CDH12: variants seen among roughly 807,000 people sequenced by gnomAD.
CDH12 encodes the protein cadherin 12.
Under a neutral mutation model 74.1 loss-of-function variants are expected in CDH12, and 41 were observed. The observed-to-expected ratio is 0.55, with a 90% CI of 0.43 to 0.72. The LOEUF (loss-of-function observed/expected upper bound fraction) is 0.72. Ranked by LOEUF, CDH12 falls within the 30% of genes least tolerant of loss-of-function variation. CDH12 has a pLI of 0.00. For missense variants in CDH12, 945 were observed against 977.2 expected, an observed-to-expected ratio of 0.97 and a Z score of 0.44; for synonymous variants, 399 against 355.0, an observed-to-expected ratio of 1.12 and a Z score of -1.39.
chr5:21,908,037 T>C lies in CDH12; in HGVS notation c.527-53247A>G, dbSNP rs578100426. Among the ~76,000 whole-genome samples the C allele has an allele frequency of 1.2e-3, 186 of 152,324 alleles. 1 individual carries two copies. In the Middle Eastern group the frequency reaches 0.014, roughly 11 times the overall value. ...CTGACCTGTTGAGAAAATGGACAAT[T>C]TCTTTGTGCCGCTCTGATGGTGGCC... On this transcript the variant is annotated intron_variant, in intron 6 of 14. Transcript: ENST00000382254.
At chr5:21,927,973 G>A (rs1396793009) in intron 6 of CDH12, among the ~76,000 whole-genome samples, 1 of 152,048 alleles carries the variant, frequency 6.6e-6, no homozygotes, top group Non-Finnish European at 1.5e-5. Context: ...TCAGGAGGCT[G>A]AGGCAGGAGA....
At position 22,369,021 on chromosome 5, in the gene CDH12, C is replaced by T. The variant is rs148488563; in HGVS notation, c.-333+36236G>A. Among the ~76,000 whole-genome samples, 1,302 of 151,998 alleles carry T rather than the reference C, an allele frequency of 8.6e-3. 20 individuals are homozygous for T. The highest frequency in any genetic ancestry group is 0.03 in the African/African-American group (1,249 of 41,468). Reference sequence around the variant, plus strand: ...GTGCGCACCTGTAATCTCAGCTACTCGGGAGGCTGAGGCAGGAGAATCGCT... The same window carrying T: ...GTGCGCACCTGTAATCTCAGCTACTTGGGAGGCTGAGGCAGGAGAATCGCT... On this transcript the variant is annotated intron_variant, in intron 3 of 14. Transcript: ENST00000382254.
At chr5:22,552,239 C>T (rs1738605598) in intron 1 of CDH12, among the ~76,000 whole-genome samples, 1 of 152,068 alleles carries the variant, frequency 6.6e-6, no homozygotes, top group Admixed American at 6.6e-5. Context: ...TCCCCAAGCT[C>T]ATGTTTTCCT....
intron 4 of CDH12, among the ~76,000 whole-genome samples, chr5:22,107,913 C>T (rs538150887): frequency 6.6e-6 from 1 of 152,200 alleles, no homozygotes; most frequent in Non-Finnish European, 1.5e-5. Flanking sequence ...AGATGAGATA[C>T]TATAAAGCAA....
intron 6 of CDH12, among the ~76,000 whole-genome samples, chr5:21,895,289 A>C (rs543481809): frequency 2.6e-5 from 4 of 152,354 alleles, no homozygotes; most frequent in African/African-American, 7.2e-5. Context: ...TTGTGGGTTA[A>C]CATATGTGGT....
intron 1 of CDH12, among the ~76,000 whole-genome samples, chr5:22,525,355 A>G (rs1737222108): frequency 6.6e-6 from 1 of 152,184 alleles, no homozygotes; most frequent in South Asian, 2.1e-4. Context: ...TACACTCAGT[A>G]GAATGGGACA....
At chr5:21,839,976 T>G (rs186243299) in intron 8 of CDH12, among the ~76,000 whole-genome samples, 61 of 152,156 alleles carry the variant, frequency 4.0e-4, no homozygotes, top group Admixed American at 6.6e-4. Context: ...AAACACAGAG[T>G]TATAGAGAAG....
At chr5:22,432,562 C>CGTGTGTGT (rs138983932) in intron 2 of CDH12, among the ~76,000 whole-genome samples, 24 of 149,356 alleles carry the variant, frequency 1.6e-4, no homozygotes, top group African/African-American at 5.5e-4. Context: ...TGTGTGTGTG[C>CGTGTGTGT]GTGTGTGTGT....
chr5:22,069,365 A>G (rs1231694029), intron 5 of CDH12, among the ~76,000 whole-genome samples: 4 of 152,114 alleles, frequency 2.6e-5, no homozygotes, highest in Non-Finnish European at 5.9e-5. Flanking sequence ...GGTCTCTAGG[A>G]GACTAAAAAT....
chr5:22,500,434 G>C (rs1747284167), intron 2 of CDH12, among the ~76,000 whole-genome samples: 1 of 152,066 alleles, frequency 6.6e-6, no homozygotes, highest in South Asian at 2.1e-4. Flanking sequence ...ATTTTTCATA[G>C]ACTGCCCCAG....
At chr5:22,143,993 T>TA (rs1295649123) in intron 4 of CDH12, 6 of 152,104 alleles carry the variant, frequency 3.9e-5, no homozygotes, top group Admixed American at 6.6e-5. Context: ...AGTCAACCAG[T>TA]AAATTGCAGA....
chr5:22,666,391 G>A (rs1372204921), intron 1 of CDH12, among the ~76,000 whole-genome samples: 3 of 145,228 alleles, frequency 2.1e-5, no homozygotes, highest in African/African-American at 5.1e-5. Context: ...CCGGGTTCAC[G>A]CCATTCTCCT....
At chr5:22,143,531 G>A (rs1224674130) in intron 4 of CDH12, 1 of 151,886 alleles carries the variant, frequency 6.6e-6, no homozygotes, top group African/African-American at 2.4e-5. Flanking sequence ...ACCATGCCTG[G>A]CTAGTTTTTG....
chr5:21,849,699 A>G (rs1750362486), intron 7 of CDH12, among the ~76,000 whole-genome samples: 1 of 151,730 alleles, frequency 6.6e-6, no homozygotes, highest in Admixed American at 6.6e-5. Flanking sequence ...AATTTATTTC[A>G]CCAGTACCAA....
At chr5:22,657,176 T>C (rs1740089722) in intron 1 of CDH12, among the ~76,000 whole-genome samples, 1 of 152,194 alleles carries the variant, frequency 6.6e-6, no homozygotes, top group Non-Finnish European at 1.5e-5. Context: ...TTCTCAGGAT[T>C]CTATTTACGT....
intron 5 of CDH12, among the ~76,000 whole-genome samples, chr5:22,032,646 T>G (rs1337772471): frequency 2.7e-5 from 4 of 150,646 alleles, no homozygotes; most frequent in Non-Finnish European, 4.4e-5. Context: ...AGGTGCAGGT[T>G]GCAGTGAGCC....
chr5:22,351,569 C>T (rs189810307), intron 3 of CDH12, among the ~76,000 whole-genome samples: 65 of 152,212 alleles, frequency 4.3e-4, no homozygotes, highest in African/African-American at 1.5e-3. Flanking sequence ...AATGATTTAA[C>T]GAGATGCTAT....
chr5:22,563,788 G>A (rs192420388), intron 1 of CDH12, among the ~76,000 whole-genome samples: 1 of 152,276 alleles, frequency 6.6e-6, no homozygotes, highest in East Asian at 1.9e-4. Context: ...TGTAAGGCAA[G>A]GAGGAGCAAG....
chr5:22,524,419 G>T (rs1477640656), intron 1 of CDH12, among the ~76,000 whole-genome samples: 1 of 152,128 alleles, frequency 6.6e-6, no homozygotes, highest in Admixed American at 6.6e-5. Context: ...ACACCAGTTT[G>T]TGCATCTCTT....
Sources: allele counts gnomAD v4.1 joint callset (sites outside exome capture counted in the v4.1 genomes callset), GRCh38; gene constraint gnomAD v4.1.1; transcripts MANE v1.5; gene names NCBI Gene and HGNC (gene_info 2026-07-23, HGNC 2026-07-21).